Variants in PPP6R3 observed in about 807,000 individuals in gnomAD.
The protein encoded by PPP6R3 is serine/threonine-protein phosphatase 6 regulatory subunit 3.
In PPP6R3, 38 loss-of-function variants were observed where a neutral mutation model predicts 110.7. That is an observed-to-expected ratio of 0.34 (90% CI 0.26 to 0.45). PPP6R3 has a LOEUF of 0.45. Ranked by LOEUF, PPP6R3 falls within the 20% of genes least tolerant of loss-of-function variation. PPP6R3 has a pLI of 1.00. For synonymous variants in PPP6R3, 369 were observed against 373.5 expected, an observed-to-expected ratio of 0.99 and a Z score of 0.14; for missense variants, 870 against 1,062.4, an observed-to-expected ratio of 0.82 and a Z score of 2.52.
At chr11:68,489,045 G>GTTTTTTTTT in intron 1 of PPP6R3, among the ~76,000 whole-genome samples, 1 of 149,654 alleles carries the variant, frequency 6.7e-6, no homozygotes, top group Non-Finnish European at 1.5e-5. Flanking sequence ...TTGAGGCAGA[G>GTTTTTTTTT]TCTGCCTCTG....
chr11:68,526,595 T>G (rs2153599709), intron 2 of PPP6R3, among the ~76,000 whole-genome samples: 1 of 152,242 alleles, frequency 6.6e-6, no homozygotes, highest in East Asian at 1.9e-4. Flanking sequence ...CACCCTCACC[T>G]CCAGCATGCA....
intron 1 of PPP6R3, among the ~76,000 whole-genome samples, chr11:68,503,842 T>C (rs1218874732): frequency 2.0e-5 from 3 of 152,234 alleles, no homozygotes; most frequent in Non-Finnish European, 4.4e-5. Context: ...AACAGACAGT[T>C]GGCAGAAAAG....
intron 2 of PPP6R3, among the ~76,000 whole-genome samples, chr11:68,531,307 T>TTTGATTTATTTATTTA (rs143892274): frequency 2.9e-5 from 4 of 136,952 alleles, no homozygotes; most frequent in African/African-American, 8.2e-5. Context: ...TGAGACTGTG[T>TTTGATTTATTTATTTA]TTTATTTATT....
At chr11:68,477,099 C>G (rs2098837959) in intron 1 of PPP6R3, among the ~76,000 whole-genome samples, 2 of 151,542 alleles carry the variant, frequency 1.3e-5, no homozygotes, top group Admixed American at 6.6e-5. Context: ...TGTGTTGAGG[C>G]TAGTTTTAGT....
chr11:68,509,559 G>T (rs1244202177), intron 1 of PPP6R3, among the ~76,000 whole-genome samples: 1 of 137,860 alleles, frequency 7.3e-6, no homozygotes, highest in Non-Finnish European at 1.5e-5. Flanking sequence ...TTTTATATTA[G>T]ATTCATAAAT....
At chr11:68,612,235 A>T (rs1943859806) in intron 23 of PPP6R3, among the ~76,000 whole-genome samples, 1 of 152,214 alleles carries the variant, frequency 6.6e-6, no homozygotes, top group Admixed American at 6.5e-5. Flanking sequence ...CCACCATCAG[A>T]TGTAAGTAAG....
chr11:68,542,150 C>T (rs565364154), intron 3 of PPP6R3, among the ~76,000 whole-genome samples: 6 of 41,872 alleles, frequency 1.4e-4, no homozygotes, highest in South Asian at 9.6e-4. Context: ...CTGGAGTGGG[C>T]GGGGGTGGGG....
chr11:68,525,031 G>C lies in PPP6R3; in HGVS notation c.-7+5380G>C, dbSNP rs532347800. Among the ~76,000 whole-genome samples the C allele has an allele frequency of 3.3e-5, 5 of 152,344 alleles. No individual in the cohort carries two copies. In the East Asian group the frequency reaches 9.6e-4, roughly 29 times the overall value. ...GCCACACACAGCTGGCTGGGCTGGG[G>C]TCATGCTCTTGATGACTGCTTCTTT... is the stretch of plus-strand genomic sequence containing the variant. On this transcript the variant is annotated intron_variant, in intron 2 of 23. Transcript: ENST00000393800.
At chr11:68,578,177 C>G (rs528357805) in intron 14 of PPP6R3, among the ~76,000 whole-genome samples, 1 of 152,146 alleles carries the variant, frequency 6.6e-6, no homozygotes, top group Non-Finnish European at 1.5e-5. Flanking sequence ...TTAATCGTAT[C>G]CTCCAGGCCA....
intron 1 of PPP6R3, among the ~76,000 whole-genome samples, chr11:68,482,792 C>T (rs2098923662): frequency 6.6e-6 from 1 of 151,948 alleles, no homozygotes; most frequent in Admixed American, 6.5e-5. Flanking sequence ...TTTTGTGTCT[C>T]CTTTCTTGAT....
chr11:68,488,095 C>T (rs1389780578), intron 1 of PPP6R3, among the ~76,000 whole-genome samples: 7 of 152,286 alleles, frequency 4.6e-5, no homozygotes, highest in African/African-American at 1.7e-4. Flanking sequence ...ATATTTCTTC[C>T]TTTATCATTA....
At chr11:68,574,247 A>C in intron 13 of PPP6R3, 23 bp downstream of exon 13, 3 of 1,588,922 alleles carry the variant, frequency 1.9e-6, no homozygotes, top group Non-Finnish European at 2.6e-6. Context: ...TGAAATTTGA[A>C]TTACATTTTT....
chr11:68,576,132 C>T, intron 14 of PPP6R3, 89 bp downstream of exon 14: 4 of 940,506 alleles, frequency 4.3e-6, no homozygotes, highest in Non-Finnish European at 6.5e-6. Flanking sequence ...CTTCCATTTA[C>T]CTCAGTAACT....
chr11:68,489,670 AT>A (rs1182356844), intron 1 of PPP6R3, among the ~76,000 whole-genome samples: 6 of 147,988 alleles, frequency 4.1e-5, no homozygotes, highest in Non-Finnish European at 8.9e-5. Flanking sequence ...CTTCATTAGC[AT>A]TTTTTTATTG....
Position 68,544,903 on chromosome 11 carries a change from A to G in PPP6R3, c.293A>G (p.Glu98Gly). Residue 98 changes from glutamate (E) to glycine (G), a missense_variant, in exon 4 of 24, where the codon GAA (glutamate) becomes GGA (glycine). Physicochemically the swap from Glu to Gly is moderately conservative, Grantham distance 98 (BLOSUM62 -2). Transcript: ENST00000393800. ...DVSQMNDRLG[E>G]DESLLMKLYS... ...TCCCAGATGAATGATAGACTGGGAG[A>G]AGATGAATCCTTGCTAATGAAATTA... is the stretch of plus-strand genomic sequence containing the variant. The G allele has an allele frequency of 6.2e-7, 1 of 1,607,296 alleles. No individual in the cohort carries two copies. Among genetic ancestry groups the G allele is most frequent in the South Asian group, 1.1e-5 (1 of 90,912 alleles).
intron 8 of PPP6R3, among the ~76,000 whole-genome samples, chr11:68,564,049 A>G (rs2099443720): frequency 6.6e-6 from 1 of 152,132 alleles, no homozygotes; most frequent in African/African-American, 2.4e-5. Context: ...ATGAAGACTT[A>G]GAAGGTTTAG....
At chr11:68,496,320 C>T (rs2099015642) in intron 1 of PPP6R3, among the ~76,000 whole-genome samples, 1 of 151,902 alleles carries the variant, frequency 6.6e-6, no homozygotes, top group Non-Finnish European at 1.5e-5. Context: ...AGCCACCATG[C>T]CCAGCCTTTC....
intron 1 of PPP6R3, among the ~76,000 whole-genome samples, chr11:68,508,383 A>C (rs498782): frequency 2.0e-5 from 3 of 151,062 alleles, no homozygotes; most frequent in Non-Finnish European, 4.4e-5. Context: ...ACCCACCTCC[A>C]CCTCTCACAG....
chr11:68,480,751 A>C (rs183085563), intron 1 of PPP6R3, among the ~76,000 whole-genome samples: 4 of 152,360 alleles, frequency 2.6e-5, no homozygotes, highest in Non-Finnish European at 4.4e-5. Context: ...AGCGTCAGCT[A>C]GTATTCAAAA....
Sources: gnomAD v4.1 joint callset for allele counts (sites outside exome capture counted in the v4.1 genomes callset) on GRCh38, gnomAD v4.1.1 for gene constraint, MANE v1.5 for transcripts, NCBI Gene and HGNC (gene_info 2026-07-23, HGNC 2026-07-21) for gene names.